ABCB4: variants seen among roughly 807,000 people sequenced by gnomAD.
ABCB4 encodes the protein phosphatidylcholine translocator ABCB4.
ABCB4 carries 76 observed loss-of-function variants against 145.7 expected under a neutral mutation model. The ratio of observed to expected loss-of-function variants is 0.52; its 90% CI spans 0.43 to 0.63. The LOEUF is 0.63. Among genes scored for constraint, ABCB4 ranks in the 30% least tolerant of loss-of-function variants. ABCB4 has a pLI of 0.00. For synonymous variants in ABCB4, 517 were observed against 566.8 expected (o/e 0.91, Z 1.25); for missense variants, 1,234 against 1,553.1 (o/e 0.79, Z 3.45).
At chr7:87,384,165 G>A in the ABCB4 span, among the ~76,000 whole-genome samples, 2 of 152,022 alleles carry the variant, frequency 1.3e-5, no homozygotes, top group Non-Finnish European at 2.9e-5. Context: ...TGCATTTCCC[G>A]ATGATTAGTG....
the ABCB4 span, chr7:87,369,316 G>T: frequency 7.5e-6 from 8 of 1,069,352 alleles, no homozygotes; most frequent in African/African-American, 1.6e-5. Flanking sequence ...TTGGATATAT[G>T]CATCTTTACT....
At chr7:87,390,784 C>T in the ABCB4 span, among the ~76,000 whole-genome samples, 1 of 152,286 alleles carries the variant, frequency 6.6e-6, no homozygotes, top group East Asian at 1.9e-4. Context: ...GTCAAGGACT[C>T]TGTATTACCT....
intron 16 of ABCB4, among the ~76,000 whole-genome samples, chr7:87,426,216 G>C (rs986620069): frequency 6.6e-6 from 1 of 152,192 alleles, no homozygotes; most frequent in Non-Finnish European, 1.5e-5. Flanking sequence ...GTGACCCTGA[G>C]GATGGAAACC....
At chr7:87,414,688 C>G (rs900413715) in intron 21 of ABCB4, among the ~76,000 whole-genome samples, 2 of 151,316 alleles carry the variant, frequency 1.3e-5, no homozygotes, top group Non-Finnish European at 2.9e-5. Flanking sequence ...TTTTTTTTAC[C>G]TCAGTTCTTA....
At chr7:87,378,729 G>A in the ABCB4 span, among the ~76,000 whole-genome samples, 1 of 152,114 alleles carries the variant, frequency 6.6e-6, no homozygotes, top group African/African-American at 2.4e-5. Flanking sequence ...TCCCCATCCT[G>A]GGGAATCAGG....
In ABCB4 at chr7:87,443,751, G is replaced by A; in HGVS notation, c.1142C>T (p.Ser381Leu). Residue 381 changes from serine to leucine, a missense_variant, in exon 11 of 28, where the codon TCA becomes TTA. Physicochemically the swap from Ser to Leu is moderately radical, Grantham distance 145. Transcript: ENST00000649586. The part of the protein sequence containing the change: ...IDNNPKIDSF[S>L]ERGHKPDSIK... ...GCTGTCTGGTTTGTGTCCTCTCTCT[G>A]AAAAACTGTCAATTTTAGGATTCTA... 1 of 1,613,482 alleles carries A rather than the reference G, an allele frequency of 6.2e-7. No homozygotes were observed. Among genetic ancestry groups the A allele is most frequent in the Non-Finnish European group, 8.5e-7 (1 of 1,179,598 alleles).
chr7:87,388,496 A>G, the ABCB4 span, among the ~76,000 whole-genome samples: 2 of 152,156 alleles, frequency 1.3e-5, no homozygotes, highest in African/African-American at 2.4e-5. Context: ...TCTGATCTGT[A>G]ACAAACCTGA....
intron 4 of ABCB4, among the ~76,000 whole-genome samples, chr7:87,455,957 T>G (rs1205021345): frequency 6.6e-6 from 1 of 152,240 alleles, no homozygotes; most frequent in Non-Finnish European, 1.5e-5. Context: ...GGATTATAAT[T>G]TCTACTGATG....
At chr7:87,426,216 G>T (rs986620069) in intron 16 of ABCB4, among the ~76,000 whole-genome samples, 1 of 152,192 alleles carries the variant, frequency 6.6e-6, no homozygotes, top group African/African-American at 2.4e-5. Context: ...GTGACCCTGA[G>T]GATGGAAACC....
chr7:87,457,720 A>G (rs1449502437), intron 4 of ABCB4, among the ~76,000 whole-genome samples: 1 of 152,216 alleles, frequency 6.6e-6, no homozygotes, highest in African/African-American at 2.4e-5. Flanking sequence ...TGAGAACAGT[A>G]AGGATTATAG....
At chr7:87,424,362 T>A (rs1211150872) in intron 16 of ABCB4, among the ~76,000 whole-genome samples, 1 of 152,142 alleles carries the variant, frequency 6.6e-6, no homozygotes, top group Non-Finnish European at 1.5e-5. Flanking sequence ...GGCATCCAGC[T>A]CTGGAGTTAC....
In ABCB4 at chr7:87,439,755, A is replaced by T; in HGVS notation, c.1643T>A (p.Val548Asp). 2 of 1,614,158 alleles carry T rather than the reference A, an allele frequency of 1.2e-6. No homozygotes were observed. The highest frequency in any genetic ancestry group is 1.7e-6 in the Non-Finnish European group (2 of 1,180,012). The change falls in exon 14 of 28, where the codon GTT becomes GAT. Residue 548 changes from valine to aspartate, a missense_variant. Coordinates refer to ENST00000649586, the MANE Select transcript of ABCB4 (RefSeq NM_000443.4). ...CAGCAGAAGGATCTTGGGGTTGCGA[A>T]CCAGGGCACGTGCAATGGCGATCCT... ...KQRIAIARAL[V>D]RNPKILLLDE...
chr7:87,388,348 A>C, the ABCB4 span, among the ~76,000 whole-genome samples: 1 of 152,158 alleles, frequency 6.6e-6, no homozygotes, highest in Non-Finnish European at 1.5e-5. Context: ...AAAAAACTGG[A>C]GGTATCATGC....
At chr7:87,468,808 G>A (rs1813124417) in intron 3 of ABCB4, among the ~76,000 whole-genome samples, 1 of 151,972 alleles carries the variant, frequency 6.6e-6, no homozygotes, top group African/African-American at 2.4e-5. Context: ...GTGGGGACCT[G>A]TAGTCTCAGC....
intron 24 of ABCB4, among the ~76,000 whole-genome samples, chr7:87,408,590 CAA>C (rs1337600031): frequency 1.3e-5 from 2 of 152,194 alleles, no homozygotes; most frequent in Admixed American, 1.3e-4. Flanking sequence ...AGTTTCTACC[CAA>C]AGTTTCAGTG....
intron 2 of ABCB4, among the ~76,000 whole-genome samples, chr7:87,473,494 C>T (rs573948785): frequency 2.4e-4 from 36 of 152,202 alleles, no homozygotes; most frequent in African/African-American, 7.9e-4. Context: ...CAGCTGTCTC[C>T]TCTCATTTCT....
chr7:87,434,862 G>T (rs374518459), intron 14 of ABCB4, among the ~76,000 whole-genome samples: 66 of 152,374 alleles, frequency 4.3e-4, no homozygotes, highest in Middle Eastern at 3.4e-3. Flanking sequence ...CTGTTGAAGA[G>T]ATTCAAATAT....
At position 87,472,616 on chromosome 7, in the gene ABCB4, C is replaced by A. The variant is rs1400425697; in HGVS notation, c.135+5G>T. On this transcript the variant is annotated splice_donor_5th_base_variant and intron_variant, in intron 3 of 27. Transcript: ENST00000649586. ...ATTATTCACATTTAACATTTCACAG[C>A]TTACCAATGTTAATACTCCAATCAT... is the stretch of plus-strand genomic sequence containing the variant. 6.2e-7 allele frequency: 1 copy of A among 1,605,890 alleles called. No homozygotes were observed. The highest frequency in any genetic ancestry group is 8.5e-7 in the Non-Finnish European group (1 of 1,172,794).
the ABCB4 span, chr7:87,369,386 G>T: frequency 6.2e-7 from 1 of 1,609,770 alleles, no homozygotes; most frequent in Non-Finnish European, 8.5e-7. Context: ...AGAGTGAAGG[G>T]CGTTCCCCAA....
Sources: gnomAD v4.1 joint callset for allele counts (sites outside exome capture counted in the v4.1 genomes callset) on GRCh38, gnomAD v4.1.1 for gene constraint, MANE v1.5 for transcripts, NCBI Gene and HGNC (gene_info 2026-07-23, HGNC 2026-07-21) for gene names.